RAI1: variants seen among roughly 807,000 people sequenced by gnomAD.
RAI1 encodes the protein retinoic acid induced 1, also known as retinoic acid-induced protein 1.
In RAI1, 9 loss-of-function variants were observed where a neutral mutation model predicts 123.8. The ratio of observed to expected loss-of-function variants is 0.07; its 90% CI spans 0.04 to 0.13. The LOEUF (loss-of-function observed/expected upper bound fraction) is 0.13. RAI1 is among the 10% of genes least tolerant of loss of function. RAI1 has a pLI of 1.00. For synonymous variants in RAI1, 1,231 were observed against 1,127.3 expected (o/e 1.09, Z -1.84); for missense variants, 2,256 against 2,545.8 (o/e 0.89, Z 2.45).
intron 2 of RAI1, among the ~76,000 whole-genome samples, chr17:17,728,256 A>G (rs1461328714): frequency 6.6e-6 from 1 of 150,532 alleles, no homozygotes. Flanking sequence ...TGCTGCTTCA[A>G]GGTTGTGGCT....
chr17:17,801,599 G>C lies in RAI1; in HGVS notation c.5566-2157G>C, dbSNP rs977989930. Among the ~76,000 whole-genome samples the C allele has an allele frequency of 6.6e-6, 1 of 152,216 alleles. No individual in the cohort carries two copies. Among genetic ancestry groups the C allele is most frequent in the Non-Finnish European group, 1.5e-5 (1 of 68,038 alleles). The stretch of plus-strand genomic sequence containing the variant: ...CAGGAACTGGGGACGCTGGACTCCA[G>C]ATCTCCAGGAGGCCATCCCAGACTA... On this transcript the variant is annotated intron_variant, in intron 3 of 5. Transcript: ENST00000353383. This position sits in a 1 kb window ranked among gnomAD's most constrained non-coding sequence, Gnocchi z 4.1.
intron 1 of RAI1, among the ~76,000 whole-genome samples, chr17:17,695,928 G>C (rs1399910585): frequency 6.6e-6 from 1 of 152,198 alleles, no homozygotes; most frequent in Non-Finnish European, 1.5e-5. Flanking sequence ...CCGAAGGGAG[G>C]CTGTATGCTG....
At chr17:17,705,319 C>T (rs1398581887) in intron 1 of RAI1, among the ~76,000 whole-genome samples, 1 of 152,196 alleles carries the variant, frequency 6.6e-6, no homozygotes, top group Non-Finnish European at 1.5e-5. Flanking sequence ...AATTTCTTTA[C>T]ATCATTTATT....
intron 1 of RAI1, among the ~76,000 whole-genome samples, chr17:17,688,484 C>CAATGAT (rs1914720582): frequency 1.0e-5 from 1 of 97,608 alleles, no homozygotes; most frequent in Middle Eastern, 5.3e-3. Context: ...GATTCAGTCT[C>CAATGAT]AATGATAAAT....
Position 17,809,872 on chromosome 17 carries a change from G to A in RAI1, c.5710-98G>A. ...CCCCAGCCGCGCTCTGGGGTCGCCTGGGTCTGGGGCTTAGGCGGGGGGCCC... is the reference window on the plus strand; with the variant it reads ...CCCCAGCCGCGCTCTGGGGTCGCCTAGGTCTGGGGCTTAGGCGGGGGGCCC... On this transcript the variant is annotated intron_variant, in intron 5 of 5. Coordinates refer to ENST00000353383, the MANE Select transcript of RAI1 (RefSeq NM_030665.4). The surrounding 1 kb of genome is among the most constrained non-coding windows in gnomAD (Gnocchi z 4.9). 2 of 1,528,164 alleles carry A rather than the reference G, an allele frequency of 1.3e-6. No individual in the cohort carries two copies. Among genetic ancestry groups the A allele is most frequent in the Non-Finnish European group, 1.8e-6 (2 of 1,130,232 alleles). The allele number at this position is 1,528,164 out of a possible 1,614,324, so 94.7% of individuals were successfully genotyped here.
intron 2 of RAI1, among the ~76,000 whole-genome samples, chr17:17,790,046 C>T (rs1441672368): frequency 6.6e-6 from 1 of 152,138 alleles, no homozygotes; most frequent in Non-Finnish European, 1.5e-5. Context: ...GGGGGGTGCT[C>T]TTTCTGCCCC....
rs2031953774 is a variant in RAI1 at position 17,789,928 on chromosome 17, C to G, written c.-16-3005C>G. Among the ~76,000 whole-genome samples, 7 of 152,236 alleles carry G rather than the reference C, an allele frequency of 4.6e-5. No individual in the cohort carries two copies. In the South Asian group the frequency reaches 1.5e-3, roughly 32 times the overall value. Reference sequence around the variant, plus strand: ...CCTCCCTTGTCCCCTCTCACCACCCCTTCTCCCTCCAGCCCAAGCCACAGG... The same window carrying G: ...CCTCCCTTGTCCCCTCTCACCACCCGTTCTCCCTCCAGCCCAAGCCACAGG... On this transcript the variant is annotated intron_variant, in intron 2 of 5. Coordinates refer to ENST00000353383, the MANE Select transcript of RAI1 (RefSeq NM_030665.4).
At chr17:17,766,453 G>A (rs759094488) in intron 2 of RAI1, among the ~76,000 whole-genome samples, 8 of 152,230 alleles carry the variant, frequency 5.3e-5, no homozygotes, top group Non-Finnish European at 1.2e-4. Flanking sequence ...AGGCGCGTCC[G>A]AGGCCTGCTT....
chr17:17,792,036 A>G (rs867650776), intron 2 of RAI1, among the ~76,000 whole-genome samples: 42 of 152,108 alleles, frequency 2.8e-4, no homozygotes, highest in African/African-American at 9.2e-4. Flanking sequence ...GTGTCGCCCC[A>G]TGTGGGTGGG....
At chr17:17,758,028 C>G (rs1331434653) in intron 2 of RAI1, among the ~76,000 whole-genome samples, 1 of 152,252 alleles carries the variant, frequency 6.6e-6, no homozygotes, top group Non-Finnish European at 1.5e-5. Flanking sequence ...ACCCTCATCT[C>G]TCCCTTTCCA....
At position 17,685,805 on chromosome 17, in the gene RAI1, C is replaced by T. The variant is rs990873635; in HGVS notation, c.-149+4012C>T. ...TCTGGTGTCCTCTGCCTGCCCTGTC[C>T]TCATTCAGTCCTGTCCCCTCCAGCC... On this transcript the variant is annotated intron_variant, in intron 1 of 5. Coordinates refer to ENST00000353383, the MANE Select transcript of RAI1 (RefSeq NM_030665.4). This position sits in a 1 kb window ranked among gnomAD's most constrained non-coding sequence, Gnocchi z 4.0. Among the ~76,000 whole-genome samples, 1 of 152,308 alleles carries T rather than the reference C, an allele frequency of 6.6e-6. No individual in the cohort carries two copies. Among genetic ancestry groups the T allele is most frequent in the African/African-American group, 2.4e-5 (1 of 41,556 alleles).
Position 17,794,599 on chromosome 17 carries a change from G to C in RAI1, c.1651G>C (p.Glu551Gln). The C allele has an allele frequency of 6.2e-7, 1 of 1,613,222 alleles. No individual in the cohort carries two copies. The highest frequency in any genetic ancestry group is 1.1e-5 in the South Asian group (1 of 91,090). Residue 551 changes from glutamate to glutamine, a missense_variant, in exon 3 of 6, where the codon GAG becomes CAG. This residue lies in a region of RAI1 where 357 missense variants were observed against 480.2 expected (regional missense o/e 0.74). Coordinates refer to ENST00000353383, the MANE Select transcript of RAI1 (RefSeq NM_030665.4). The stretch of plus-strand genomic sequence containing the variant: ...CAACAGCAACTCGAAGGCCAAGCCC[G>C]AGTCCGTGTCCACCTGTTCTGTGAC... Reference protein sequence around the residue: ...RVNSNSKAKPESVSTCSVTSP... With the variant: ...RVNSNSKAKPQSVSTCSVTSP...
chr17:17,736,417 A>G (rs1271927758), intron 2 of RAI1, among the ~76,000 whole-genome samples: 1 of 152,224 alleles, frequency 6.6e-6, no homozygotes, highest in African/African-American at 2.4e-5. Context: ...GAGCAGGCCC[A>G]GCAGATGGCC....
At chr17:17,786,159 T>C (rs7210822) in intron 2 of RAI1, among the ~76,000 whole-genome samples, 149,868 of 152,198 alleles carry the variant, frequency 0.98, 73,798 homozygotes, top group Middle Eastern at 1. Context: ...CGCCAGTTTG[T>C]CTCCATACCC....
At chr17:17,741,121 GCA>G (rs981581690) in intron 2 of RAI1, among the ~76,000 whole-genome samples, 4 of 151,776 alleles carry the variant, frequency 2.6e-5, no homozygotes, top group East Asian at 1.9e-4. Flanking sequence ...ACTCGCGCAC[GCA>G]CACACGCACG....
intron 2 of RAI1, among the ~76,000 whole-genome samples, chr17:17,768,207 A>G (rs374576590): frequency 1.3e-5 from 2 of 152,150 alleles, no homozygotes; most frequent in African/African-American, 2.4e-5. Flanking sequence ...ACCTGGTCCC[A>G]TGGTCTAGCC....
At chr17:17,692,669 G>T (rs556255107) in intron 1 of RAI1, among the ~76,000 whole-genome samples, 1 of 152,334 alleles carries the variant, frequency 6.6e-6, no homozygotes, top group South Asian at 2.1e-4. Flanking sequence ...GGAAGTGAAG[G>T]CTTGCAGTCA....
Position 17,810,123 on chromosome 17 carries a change from A to C in RAI1, c.*142A>C. On this transcript the variant is annotated 3_prime_UTR_variant, in exon 6 of 6. Coordinates refer to ENST00000353383, the MANE Select transcript of RAI1 (RefSeq NM_030665.4). The surrounding 1 kb of genome is among the most constrained non-coding windows in gnomAD (Gnocchi z 4.6). ...AGCCGATCCTTGATCCGGGTCCCGG[A>C]TCGTGGATCCGGCCGCCTAGGGCTC... is the stretch of plus-strand genomic sequence containing the variant. 1.6e-6 allele frequency: 2 copies of C among 1,231,670 alleles called. No homozygotes were observed. Among genetic ancestry groups the C allele is most frequent in the South Asian group, 1.6e-5 (1 of 64,132 alleles). 76.3% of individuals were successfully genotyped at this position (1,231,670 alleles called of 1,614,324 possible).
At chr17:17,781,654 C>T (rs1002732792) in intron 2 of RAI1, among the ~76,000 whole-genome samples, 3 of 152,208 alleles carry the variant, frequency 2.0e-5, no homozygotes, top group Admixed American at 1.3e-4. Flanking sequence ...ACTAAACTGC[C>T]TTCGGGGAGT....
Sources: gnomAD v4.1 joint callset for allele counts (sites outside exome capture counted in the v4.1 genomes callset) on GRCh38, gnomAD v4.1.1 for gene constraint, gnomAD v4.1.1 regional missense constraint, Gnocchi (gnomAD v3.1) non-coding constraint, MANE v1.5 for transcripts, NCBI Gene and HGNC (gene_info 2026-07-23, HGNC 2026-07-21) for gene names.